UBE2QL1: variants seen among roughly 807,000 people sequenced by gnomAD.
The protein encoded by UBE2QL1 is ubiquitin-conjugating enzyme E2Q-like protein 1.
UBE2QL1 carries 5 observed loss-of-function variants against 12.6 expected under a neutral mutation model. The observed-to-expected ratio is 0.40, with a 90% CI of 0.21 to 0.83. The LOEUF (loss-of-function observed/expected upper bound fraction) is 0.83. Among genes scored for constraint, UBE2QL1 ranks in the 40% least tolerant of loss-of-function variants. UBE2QL1 has a pLI of 0.37. For synonymous variants in UBE2QL1, 96 were observed against 94.5 expected (o/e 1.02, Z -0.10); for missense variants, 99 against 222.6 (o/e 0.44, Z 3.53).
intron 1 of UBE2QL1, among the ~76,000 whole-genome samples, chr5:6,475,267 A>G (rs1281620219): frequency 6.6e-6 from 1 of 152,246 alleles, no homozygotes; most frequent in African/African-American, 2.4e-5. Context: ...TATTAGGTCA[A>G]TCAAAAGCAG....
chr5:6,461,296 G>A (rs1340694340), intron 1 of UBE2QL1, among the ~76,000 whole-genome samples: 2 of 152,112 alleles, frequency 1.3e-5, no homozygotes, highest in Admixed American at 1.3e-4. Context: ...GAGGCTTTCT[G>A]CATTTGGGAA....
At chr5:6,450,701 A>G (rs1293940256) in intron 1 of UBE2QL1, among the ~76,000 whole-genome samples, 1 of 152,178 alleles carries the variant, frequency 6.6e-6, no homozygotes, top group Non-Finnish European at 1.5e-5. Flanking sequence ...AACAAATAGC[A>G]TCCTAACTCC....
intron 1 of UBE2QL1, among the ~76,000 whole-genome samples, chr5:6,473,787 G>A (rs930251936): frequency 6.6e-6 from 1 of 152,172 alleles, no homozygotes; most frequent in Non-Finnish European, 1.5e-5. Flanking sequence ...TTGATTTTTT[G>A]TTACCTTTGA....
At chr5:6,485,106 G>T (rs1026621309) in intron 1 of UBE2QL1, among the ~76,000 whole-genome samples, 1 of 152,004 alleles carries the variant, frequency 6.6e-6, no homozygotes, top group Non-Finnish European at 1.5e-5. Flanking sequence ...ATGAACACAC[G>T]TGCACACATA....
chr5:6,457,967 G>A (rs1383065730), intron 1 of UBE2QL1, among the ~76,000 whole-genome samples: 1 of 152,172 alleles, frequency 6.6e-6, no homozygotes, highest in Non-Finnish European at 1.5e-5. Flanking sequence ...AAATATATTG[G>A]CCCAGATTCA....
intron 1 of UBE2QL1, among the ~76,000 whole-genome samples, chr5:6,480,833 C>A (rs1734344042): frequency 6.6e-6 from 1 of 152,126 alleles, no homozygotes; most frequent in African/African-American, 2.4e-5. Flanking sequence ...CTTTGTCATC[C>A]TGAGAGGTTT....
At chr5:6,451,828 A>G (rs1739418305) in intron 1 of UBE2QL1, among the ~76,000 whole-genome samples, 1 of 152,208 alleles carries the variant, frequency 6.6e-6, no homozygotes, top group Non-Finnish European at 1.5e-5. Context: ...TTCACTACCT[A>G]CTGGTTGTTC....
chr5:6,484,205 C>T (rs1201205480), intron 1 of UBE2QL1, among the ~76,000 whole-genome samples: 2 of 152,174 alleles, frequency 1.3e-5, no homozygotes, highest in Non-Finnish European at 2.9e-5. Context: ...CAACAGGGAG[C>T]GCAGAAGCCT....
rs932168379 is a variant in UBE2QL1 at position 6,476,531 on chromosome 5, G to A, written c.355-14687G>A. On this transcript the variant is annotated intron_variant, in intron 1 of 1. Coordinates refer to ENST00000399816, the MANE Select transcript of UBE2QL1 (RefSeq NM_001145161.3). This position sits in a 1 kb window ranked among gnomAD's most constrained non-coding sequence, Gnocchi z 4.9. Reference sequence around the variant, plus strand: ...CTCAATGAGACAATGACCTCAAAACGGAAACACCTGGGGGGCTCGGTTAAA... The same window carrying A: ...CTCAATGAGACAATGACCTCAAAACAGAAACACCTGGGGGGCTCGGTTAAA... Among the ~76,000 whole-genome samples the A allele has an allele frequency of 1.8e-4, 28 of 152,128 alleles. No individual in the cohort carries two copies. The highest frequency in any genetic ancestry group is 6.0e-4 in the African/African-American group (25 of 41,424).
At chr5:6,487,373 C>A (rs1163659236) in intron 1 of UBE2QL1, among the ~76,000 whole-genome samples, 1 of 152,194 alleles carries the variant, frequency 6.6e-6, no homozygotes, top group Non-Finnish European at 1.5e-5. Context: ...TGTTCGACTT[C>A]TGTATTACAA....
chr5:6,455,273 C>A (rs1008432685), intron 1 of UBE2QL1, among the ~76,000 whole-genome samples: 1 of 152,168 alleles, frequency 6.6e-6, no homozygotes, highest in African/African-American at 2.4e-5. Flanking sequence ...TGTCTCCCTT[C>A]TCATCGTCAG....
chr5:6,455,172 T>A (rs1338778360), intron 1 of UBE2QL1, among the ~76,000 whole-genome samples: 3 of 152,102 alleles, frequency 2.0e-5, no homozygotes, highest in African/African-American at 7.2e-5. Context: ...GTAAGGACAG[T>A]GTAGGTTCAT....
In UBE2QL1 at chr5:6,491,370, C is replaced by G; in HGVS notation, c.*21C>G. 2 of 1,539,436 alleles carry G rather than the reference C, an allele frequency of 1.3e-6. No individual in the cohort carries two copies. The highest frequency in any genetic ancestry group is 2.4e-5 in the South Asian group (2 of 81,692). ...GCTGATGTCTGCCACGTGCAGTAGA[C>G]GCTCGAGCGCCTGTCCACACACACA... On this transcript the variant is annotated 3_prime_UTR_variant, in exon 2 of 2. Coordinates refer to ENST00000399816, the MANE Select transcript of UBE2QL1 (RefSeq NM_001145161.3).
At chr5:6,459,002 A>G (rs558209811) in intron 1 of UBE2QL1, among the ~76,000 whole-genome samples, 2,402 of 152,214 alleles carry the variant, frequency 0.016, 20 homozygotes, top group Non-Finnish European at 0.023. Flanking sequence ...GGGAGAGAAG[A>G]GCACAGCAAA....
At position 6,476,199 on chromosome 5, in the gene UBE2QL1, T is replaced by C. The variant is rs1311042903; in HGVS notation, c.355-15019T>C. On this transcript the variant is annotated intron_variant, in intron 1 of 1. Transcript: ENST00000399816. This position sits in a 1 kb window ranked among gnomAD's most constrained non-coding sequence, Gnocchi z 4.9. Reference sequence around the variant, plus strand: ...GGGCCTGAGCAGGGAGGGGGTGGGGTCCCGATGTTTGTGCAGAGGAGACAC... The same window carrying C: ...GGGCCTGAGCAGGGAGGGGGTGGGGCCCCGATGTTTGTGCAGAGGAGACAC... 5.3e-5 allele frequency among the ~76,000 whole-genome samples: 8 copies of C among 151,504 alleles called. No homozygotes were observed. Among genetic ancestry groups the C allele is most frequent in the Non-Finnish European group, 4.4e-5 (3 of 67,888 alleles).
intron 1 of UBE2QL1, among the ~76,000 whole-genome samples, chr5:6,452,831 G>A (rs975076253): frequency 6.6e-6 from 1 of 152,186 alleles, no homozygotes; most frequent in African/African-American, 2.4e-5. Flanking sequence ...TGACTGGCCA[G>A]GGACCTTGTT....
intron 1 of UBE2QL1, among the ~76,000 whole-genome samples, chr5:6,487,937 C>G (rs1402291244): frequency 6.6e-6 from 1 of 152,192 alleles, no homozygotes; most frequent in Non-Finnish European, 1.5e-5. Context: ...CTCTGTGACC[C>G]TGGCAGAGCC....
Position 6,491,529 on chromosome 5 carries a change from A to G in UBE2QL1, c.*180A>G. ...GTGTGTACAGAGAGGAAGAGGGAGC[A>G]AATGCCGTTCGGATTATGTTTCGAT... On this transcript the variant is annotated 3_prime_UTR_variant, in exon 2 of 2. Transcript: ENST00000399816. The G allele has an allele frequency of 2.7e-6, 2 of 738,380 alleles. No individual in the cohort carries two copies. The highest frequency in any genetic ancestry group is 3.9e-6 in the Non-Finnish European group (2 of 507,432). The allele number at this position is 738,380 out of a possible 1,614,324, so 45.7% of individuals were successfully genotyped here. A position where few individuals can be genotyped will look rare whatever the true frequency, so the allele number is the denominator to read the frequency against.
intron 1 of UBE2QL1, among the ~76,000 whole-genome samples, chr5:6,467,937 C>T (rs746593426): frequency 4.6e-5 from 7 of 152,146 alleles, no homozygotes; most frequent in South Asian, 2.1e-4. Flanking sequence ...TTATCTCTTA[C>T]GCCTGACTTT....
Sources: gnomAD v4.1 joint callset for allele counts (sites outside exome capture counted in the v4.1 genomes callset) on GRCh38, gnomAD v4.1.1 for gene constraint, Gnocchi (gnomAD v3.1) non-coding constraint, MANE v1.5 for transcripts, NCBI Gene and HGNC (gene_info 2026-07-23, HGNC 2026-07-21) for gene names.